The following FLNC variants were observed in gnomAD, a reference collection of about 807,000 sequenced individuals.
FLNC encodes the protein filamin C.
Under a neutral mutation model 254.3 loss-of-function variants are expected in FLNC, and 91 were observed. The ratio of observed to expected loss-of-function variants is 0.36; its 90% CI spans 0.30 to 0.43. The LOEUF (loss-of-function observed/expected upper bound fraction) is 0.43, where lower values mean the gene tolerates loss of function less well. FLNC is among the 20% of genes least tolerant of loss of function. The pLI is 1.00. For synonymous variants in FLNC, 1,430 were observed against 1,577.2 expected (o/e 0.91, Z 2.21); for missense variants, 2,853 against 3,802.6 (o/e 0.75, Z 6.57).
chr7:128,849,390 A>T lies in FLNC; in HGVS notation c.5011A>T (p.Lys1671Ter). 6.2e-7 allele frequency: 1 copy of T among 1,614,068 alleles called. No homozygotes were observed. The highest frequency in any genetic ancestry group is 1.1e-5 in the South Asian group (1 of 91,078). ...GGAGACGGTGATCACGGTGGATGCC[A>T]AGGCAGCCGGTGAGGGGAAGGTGAC... ...GQETVITVDA[K>*]AAGEGKVTCT... is the part of the protein sequence containing the mutation. The change falls in exon 30 of 48, where the codon AAG becomes TAG. Residue 1671 changes from lysine to a stop codon, truncating the protein, a stop_gained. Coordinates refer to ENST00000325888, the MANE Select transcript of FLNC (RefSeq NM_001458.5). LOFTEE classifies it high-confidence loss of function.
intron 31 of FLNC, 145 bp downstream of exon 31, chr7:128,850,219 A>T (rs1180103647): frequency 1.1e-5 from 10 of 912,402 alleles, no homozygotes; most frequent in Non-Finnish European, 1.8e-5. Context: ...ATGGAACCCC[A>T]CTTGGGCACA....
At chr7:128,832,046 G>A (rs1475327812) in intron 1 of FLNC, among the ~76,000 whole-genome samples, 1 of 152,112 alleles carries the variant, frequency 6.6e-6, no homozygotes, top group African/African-American at 2.4e-5. Flanking sequence ...GGGGCCAGGT[G>A]GGCCCCACAC....
At chr7:128,838,230 C>G (rs777996588) in intron 6 of FLNC, 37 bp from the exon 7 acceptor site, 4 of 1,608,300 alleles carry the variant, frequency 2.5e-6, no homozygotes, top group Admixed American at 1.7e-5. Flanking sequence ...CAGGACTGCT[C>G]TCCCCTAGAA....
intron 30 of FLNC, among the ~76,000 whole-genome samples, 163 bp downstream of exon 30, chr7:128,849,741 C>A (rs1411426025): frequency 6.6e-6 from 1 of 152,182 alleles, no homozygotes; most frequent in East Asian, 1.9e-4. Context: ...CCCCACAGCA[C>A]CCCCGAAGTG....
At position 128,855,183 on chromosome 7, in the gene FLNC, TG is replaced by T; in HGVS notation, c.7136-14del. The T allele has an allele frequency of 1.3e-6, 2 of 1,557,660 alleles. No homozygotes were observed. Among genetic ancestry groups the T allele is most frequent in the Non-Finnish European group, 1.8e-6 (2 of 1,128,774 alleles). On this transcript the variant is annotated splice_polypyrimidine_tract_variant and intron_variant, in intron 42 of 47. Coordinates refer to ENST00000325888, the MANE Select transcript of FLNC (RefSeq NM_001458.5). ...CCTCCATCCCGGAACCTGTGCTGAC[TG>T]GTCTCTCTCCCCAGGTGACTATGAG...
At position 128,846,394 on chromosome 7, in the gene FLNC, T is replaced by C; in HGVS notation, c.4058T>C (p.Val1353Ala). 1 of 1,610,648 alleles carries C rather than the reference T, an allele frequency of 6.2e-7. No individual in the cohort carries two copies. Residue 1353 changes from valine to alanine, a missense_variant, in exon 23 of 48, where the codon GTC (valine) becomes GCC (alanine). Transcript: ENST00000325888. ...ACCGAGGGCTGTGATCCCACCCGCGTCCGAGCCTTCGGGCCAGGCCTGGAG... is the reference window on the plus strand; with the variant it reads ...ACCGAGGGCTGTGATCCCACCCGCGCCCGAGCCTTCGGGCCAGGCCTGGAG... ...GVTEGCDPTRVRAFGPGLEGG... is the reference protein window; with the variant it reads ...GVTEGCDPTRARAFGPGLEGG...
chr7:128,858,601 ATGTGC>A lies in FLNC; in HGVS notation c.*79_*83del. On this transcript the variant is annotated 3_prime_UTR_variant, in exon 48 of 48. Transcript: ENST00000325888. The surrounding 1 kb of genome is among the most constrained non-coding windows in gnomAD (Gnocchi z 6.7). ...TACACACACACACACACACACACAA[ATGTGC>A]CACACCCAGACACGCACAGAATCAG... The A allele has an allele frequency of 1.4e-5, 14 of 1,010,582 alleles. No individual in the cohort carries two copies. The highest frequency in any genetic ancestry group is 2.1e-5 in the Non-Finnish European group (14 of 651,334). The allele number at this position is 1,010,582 out of a possible 1,614,324, so 62.6% of individuals were successfully genotyped here. A position where few individuals can be genotyped will look rare whatever the true frequency, so the allele number is the denominator to read the frequency against.
intron 30 of FLNC, 86 bp downstream of exon 30, chr7:128,849,664 C>A: frequency 6.5e-7 from 1 of 1,531,902 alleles, no homozygotes; most frequent in Middle Eastern, 1.7e-4. Context: ...AGATAACTGT[C>A]CCCAAGGAAT....
At position 128,858,395 on chromosome 7, in the gene FLNC, G is replaced by A. The variant is rs1809161184; in HGVS notation, c.8050G>A (p.Val2684Met). The A allele has an allele frequency of 6.3e-6, 10 of 1,596,244 alleles. No individual in the cohort carries two copies. Among genetic ancestry groups the A allele is most frequent in the Non-Finnish European group, 7.7e-6 (9 of 1,164,748 alleles). ...GPKTPCEEVY[V>M]KHMGNRVYNV... ...CAAGACCCCCTGTGAGGAGGTGTAC[G>A]TGAAGCACATGGGGAACCGGGTGTA... The change falls in exon 48 of 48, where the codon GTG becomes ATG. Residue 2684 changes from valine (V) to methionine (M), a missense_variant. Transcript: ENST00000325888. This position sits in a 1 kb window ranked among gnomAD's most constrained non-coding sequence, Gnocchi z 6.7.
chr7:128,839,995 C>T, intron 8 of FLNC, 28 bp from the exon 9 acceptor site: 3 of 1,609,004 alleles, frequency 1.9e-6, no homozygotes, highest in Non-Finnish European at 1.7e-6. Flanking sequence ...CCTCAGCACC[C>T]CCAACCTCCT....
chr7:128,858,391 G>T lies in FLNC; in HGVS notation c.8046G>T (p.Val2682=). The T allele has an allele frequency of 6.3e-7, 1 of 1,593,126 alleles. No individual in the cohort carries two copies. Among genetic ancestry groups the T allele is most frequent in the Non-Finnish European group, 8.6e-7 (1 of 1,161,960 alleles). ...VHGPKTPCEE[V]YVKHMGNRVY... ...GCCCCAAGACCCCCTGTGAGGAGGT[G>T]TACGTGAAGCACATGGGGAACCGGG... is the stretch of plus-strand genomic sequence containing the variant. Residue 2682 remains valine, a synonymous_variant, in exon 48 of 48, where the codon GTG becomes GTT. Coordinates refer to ENST00000325888, the MANE Select transcript of FLNC (RefSeq NM_001458.5). The surrounding 1 kb of genome is among the most constrained non-coding windows in gnomAD (Gnocchi z 6.7).
chr7:128,847,046 G>A lies in FLNC; in HGVS notation c.4288+141G>A, dbSNP rs75995031. On this transcript the variant is annotated intron_variant, in intron 24 of 47. Transcript: ENST00000325888. Reference sequence around the variant, plus strand: ...CTAGAGTGGGTTGGGGCCGGAGCCCGGCCAGAGGGAGGACGTGGAGGAGGC... The same window carrying A: ...CTAGAGTGGGTTGGGGCCGGAGCCCAGCCAGAGGGAGGACGTGGAGGAGGC... 5.6e-3 allele frequency: 5,858 copies of A among 1,048,882 alleles called. 195 individuals carry two copies. The East Asian group carries it at 0.09, about 16-fold the overall frequency. 65.0% of individuals were successfully genotyped at this position (1,048,882 alleles called of 1,614,324 possible).
At chr7:128,848,435 C>A in intron 26 of FLNC, 126 bp from the exon 27 acceptor site, 1 of 1,051,066 alleles carries the variant, frequency 9.5e-7, no homozygotes, top group Non-Finnish European at 1.5e-6. Flanking sequence ...ACTGGTCCCT[C>A]CTCCCTGCCC....
chr7:128,853,206 G>A, intron 37 of FLNC, 175 bp downstream of exon 37: 1 of 732,916 alleles, frequency 1.4e-6, no homozygotes. Flanking sequence ...CCCCGCATCA[G>A]TTCTCTCCCT....
intron 10 of FLNC, 35 bp from the exon 11 acceptor site, chr7:128,840,799 T>C: frequency 6.2e-7 from 1 of 1,613,384 alleles, no homozygotes; most frequent in South Asian, 1.1e-5. Context: ...TGGGGGGCAC[T>C]TCCTGGCATG....
At chr7:128,850,521 G>A (rs1457058082) in intron 32 of FLNC, 38 bp downstream of exon 32, 2 of 1,506,044 alleles carry the variant, frequency 1.3e-6, no homozygotes, top group South Asian at 2.2e-5. Flanking sequence ...GGGCTGAGGG[G>A]AGAAACCCTC....
At position 128,837,487 on chromosome 7, in the gene FLNC, A is replaced by G; in HGVS notation, c.789A>G (p.Lys263=). ...YLSQFPKAKL[K]PGAPVRSKQL... The stretch of plus-strand genomic sequence containing the variant: ...CCCAGTTCCCCAAGGCCAAGCTCAA[A>G]CCTGGTGCCCCTGTTCGATCCAAGC... Residue 263 remains lysine (K), a synonymous_variant, in exon 4 of 48, where the codon AAA becomes AAG. Coordinates refer to ENST00000325888, the MANE Select transcript of FLNC (RefSeq NM_001458.5). 4 of 1,614,142 alleles carry G rather than the reference A, an allele frequency of 2.5e-6. No individual in the cohort carries two copies. The South Asian group carries it at 4.4e-5, about 18-fold the overall frequency.
Position 128,848,614 on chromosome 7 carries a change from G to C in FLNC, c.4634G>C (p.Ser1545Thr). The C allele has an allele frequency of 6.2e-7, 1 of 1,613,736 alleles. No individual in the cohort carries two copies. The highest frequency in any genetic ancestry group is 8.5e-7 in the Non-Finnish European group (1 of 1,180,004). The change falls in exon 27 of 48, where the codon AGC (serine) becomes ACC (threonine). Residue 1545 changes from serine to threonine, a missense_variant. Transcript: ENST00000325888. ...CATGATGCCAGCAAGGTGCGGGCCA[G>C]CGGCCCAGGCCTCAACGCCTCTGGC... ...PAHDASKVRA[S>T]GPGLNASGIP...
rs769216559 is a variant in FLNC at position 128,842,073 on chromosome 7, G to A, written c.2122-158G>A. The stretch of plus-strand genomic sequence containing the variant: ...CTCCCAGGGTGGGCTCTGGCCGCCA[G>A]AGCACGTGGCCCTGGGCTCTGGTGG... On this transcript the variant is annotated intron_variant, in intron 13 of 47. Transcript: ENST00000325888. This position sits in a 1 kb window ranked among gnomAD's most constrained non-coding sequence, Gnocchi z 5.4. Among the ~76,000 whole-genome samples, 2 of 152,038 alleles carry A rather than the reference G, an allele frequency of 1.3e-5. No individual in the cohort carries two copies. Among genetic ancestry groups the A allele is most frequent in the Non-Finnish European group, 2.9e-5 (2 of 67,984 alleles).
Sources: allele counts gnomAD v4.1 joint callset (sites outside exome capture counted in the v4.1 genomes callset), GRCh38; gene constraint gnomAD v4.1.1; non-coding constraint Gnocchi (gnomAD v3.1); transcripts MANE v1.5; gene names NCBI Gene and HGNC (gene_info 2026-07-23, HGNC 2026-07-21).